ARRDC4: variants seen among roughly 807,000 people sequenced by gnomAD.
The protein encoded by ARRDC4 is arrestin domain containing 4.
Under a neutral mutation model 44.6 loss-of-function variants are expected in ARRDC4, and 40 were observed. The observed-to-expected ratio is 0.90, with a 90% CI of 0.70 to 1.17. The LOEUF (loss-of-function observed/expected upper bound fraction) is 1.17, where lower values mean the gene tolerates loss of function less well. Among genes scored for constraint, ARRDC4 ranks in the 50% most tolerant of loss-of-function variants. The pLI is 0.00. For synonymous variants in ARRDC4, 211 were observed against 221.2 expected (o/e 0.95, Z 0.41); for missense variants, 550 against 559.1 (o/e 0.98, Z 0.16).
At position 97,965,655 on chromosome 15, in the gene ARRDC4, A is replaced by G. The variant is rs1596305061; in HGVS notation, c.363A>G (p.Gln121=). The G allele has an allele frequency of 3.1e-6, 5 of 1,613,412 alleles. No individual in the cohort carries two copies. In the African/African-American group the frequency reaches 4.0e-5, roughly 13 times the overall value. The part of the protein sequence containing the change: ...PGKHEFPFRF[Q]LPSEPLVTSF... ...AACATGAATTTCCATTTCGCTTTCA[A>G]CTTCCATCTGAGTAAGTGAAACACT... Residue 121 remains glutamine, a synonymous_variant, in exon 2 of 8, where the codon CAA becomes CAG. Transcript: ENST00000268042. This position sits in a 1 kb window ranked among gnomAD's most constrained non-coding sequence, Gnocchi z 5.1.
rs1374652703 is a variant in ARRDC4, at chr15:97,969,863, T to C, written c.883-20T>C. On this transcript the variant is annotated intron_variant, in intron 5 of 7. Coordinates refer to ENST00000268042, the MANE Select transcript of ARRDC4 (RefSeq NM_183376.3). ...TTACATTTGTTCCTTTCTCTTTTTT[T>C]TTTTTTTTTGGCTTATTAGGTATAC... 7.9e-6 allele frequency: 12 copies of C among 1,526,844 alleles called. No homozygotes were observed. Among genetic ancestry groups the C allele is most frequent in the African/African-American group, 1.4e-5 (1 of 71,558 alleles). The allele number at this position is 1,526,844 out of a possible 1,614,324, so 94.6% of individuals were successfully genotyped here.
At position 97,971,926 on chromosome 15, in the gene ARRDC4, C is replaced by G. The variant is rs181770163; in HGVS notation, c.*739C>G. ...TTGTTGAGGGCTGTACTTTTTACCC[C>G]CTTTAAGTGCTTTAACAGGATATAC... is the stretch of plus-strand genomic sequence containing the variant. On this transcript the variant is annotated 3_prime_UTR_variant, in exon 8 of 8. Coordinates refer to ENST00000268042, the MANE Select transcript of ARRDC4 (RefSeq NM_183376.3). 7 of 152,374 alleles carry G rather than the reference C, an allele frequency of 4.6e-5. No individual in the cohort carries two copies. Among genetic ancestry groups the G allele is most frequent in the Non-Finnish European group, 8.8e-5 (6 of 68,018 alleles). 9.4% of individuals were successfully genotyped at this position (152,374 alleles called of 1,614,324 possible).
chr15:97,961,198 C>T (rs1899310270), intron 1 of ARRDC4, 30 bp downstream of exon 1: 3 of 1,374,938 alleles, frequency 2.2e-6, no homozygotes, highest in African/African-American at 1.5e-5. Flanking sequence ...TGGGGTTCCC[C>T]CGCCAGGCTG....
At chr15:97,963,223 T>A (rs924179275) in intron 1 of ARRDC4, among the ~76,000 whole-genome samples, 1 of 152,180 alleles carries the variant, frequency 6.6e-6, no homozygotes, top group African/African-American at 2.4e-5. Flanking sequence ...TCCTGTGACT[T>A]TGTAGTGCTC....
Position 97,970,403 on chromosome 15 carries a change from TTAG to T in ARRDC4, c.1046-178_1046-176del, listed in dbSNP as rs777555649. On this transcript the variant is annotated intron_variant, in intron 6 of 7. Transcript: ENST00000268042. The surrounding 1 kb of genome is among the most constrained non-coding windows in gnomAD (Gnocchi z 4.2). ...TCTCAAGAGACTAGAATAGAAGCTA[TTAG>T]TAGTAGTTTAATAAAAGGAGAATCT... Among the ~76,000 whole-genome samples the T allele has an allele frequency of 4.6e-5, 7 of 152,292 alleles. No individual in the cohort carries two copies. Among genetic ancestry groups the T allele is most frequent in the Non-Finnish European group, 8.8e-5 (6 of 68,014 alleles).
At position 97,970,940 on chromosome 15, in the gene ARRDC4, T is replaced by C. The variant is rs1270493279; in HGVS notation, c.1201-191T>C. On this transcript the variant is annotated intron_variant, in intron 7 of 7. Transcript: ENST00000268042. This position sits in a 1 kb window ranked among gnomAD's most constrained non-coding sequence, Gnocchi z 4.2. ...ACTATTGTCCTTGTGATCTATGGCA[T>C]CAGATACAGTATTGTGGATTGCCTT... 6.6e-6 allele frequency among the ~76,000 whole-genome samples: 1 copy of C among 152,132 alleles called. No homozygotes were observed. Among genetic ancestry groups the C allele is most frequent in the African/African-American group, 2.4e-5 (1 of 41,438 alleles).
At position 97,969,343 on chromosome 15, in the gene ARRDC4, G is replaced by A. The variant is rs752924780; in HGVS notation, c.846G>A (p.Leu282=). ...LKIPPVTPSI[L]DCCIIRVDYS... ...TCCCACCTGTTACTCCATCCATCCTGGATTGCTGCATTATCAGAGTGGACT... is the reference window on the plus strand; with the variant it reads ...TCCCACCTGTTACTCCATCCATCCTAGATTGCTGCATTATCAGAGTGGACT... Residue 282 remains leucine, a synonymous_variant, in exon 5 of 8, where the codon CTG becomes CTA. Coordinates refer to ENST00000268042, the MANE Select transcript of ARRDC4 (RefSeq NM_183376.3). The A allele has an allele frequency of 2.5e-6, 4 of 1,613,792 alleles. No homozygotes were observed. The South Asian group carries it at 4.4e-5, about 18-fold the overall frequency.
rs1302771176 is a variant in ARRDC4 at position 97,970,474 on chromosome 15, AAAG to A, written c.1046-112_1046-110del. Reference sequence around the variant, plus strand: ...GCATAAAACCTTGCTGATTAGAGGGAAAGAATGCCATATTTTTTATCTTCAAGT... The same window carrying A: ...GCATAAAACCTTGCTGATTAGAGGGAAATGCCATATTTTTTATCTTCAAGT... On this transcript the variant is annotated intron_variant, in intron 6 of 7. Transcript: ENST00000268042. This position sits in a 1 kb window ranked among gnomAD's most constrained non-coding sequence, Gnocchi z 4.2. 1.3e-5 allele frequency: 14 copies of A among 1,119,572 alleles called. No individual in the cohort carries two copies. In the African/African-American group the frequency reaches 2.2e-4, roughly 18 times the overall value. The allele number at this position is 1,119,572 out of a possible 1,614,324, so 69.4% of individuals were successfully genotyped here. A position where few individuals can be genotyped will look rare whatever the true frequency, so the allele number is the denominator to read the frequency against.
rs1014347747 is a variant in ARRDC4 at position 97,965,059 on chromosome 15, C to T, written c.308-541C>T. Among the ~76,000 whole-genome samples the T allele has an allele frequency of 5.9e-5, 9 of 151,506 alleles. No individual in the cohort carries two copies. The highest frequency in any genetic ancestry group is 2.6e-4 in the Admixed American group (4 of 15,218). ...ACACATATATATGTATGTTGGAGTT[C>T]TGAACCTTAGCACTTTAGTAATTGG... On this transcript the variant is annotated intron_variant, in intron 1 of 7. Coordinates refer to ENST00000268042, the MANE Select transcript of ARRDC4 (RefSeq NM_183376.3). The surrounding 1 kb of genome is among the most constrained non-coding windows in gnomAD (Gnocchi z 5.1).
rs200384116 is a variant in ARRDC4, at chr15:97,965,963, G to A, written c.443G>A (p.Arg148Gln). Reference protein sequence around the residue: ...IQYCVRAVLERPKVPDQSVKR... With the variant: ...IQYCVRAVLEQPKVPDQSVKR... The stretch of plus-strand genomic sequence containing the variant: ...TACTGTGTGCGGGCAGTGTTGGAAC[G>A]ACCCAAGGTACCTGATCAGAGTGTA... The change falls in exon 3 of 8, where the codon CGA becomes CAA. Residue 148 changes from arginine to glutamine, a missense_variant. Transcript: ENST00000268042. The surrounding 1 kb of genome is among the most constrained non-coding windows in gnomAD (Gnocchi z 5.1). The A allele has an allele frequency of 5.6e-5, 90 of 1,614,128 alleles. No individual in the cohort carries two copies. The highest frequency in any genetic ancestry group is 3.8e-4 in the Admixed American group (23 of 60,020).
chr15:97,964,570 T>TA (rs1899382483), intron 1 of ARRDC4, among the ~76,000 whole-genome samples: 1 of 152,186 alleles, frequency 6.6e-6, no homozygotes. Context: ...CCTCTGGCCT[T>TA]ACAAAGTCCC....
Position 97,960,743 on chromosome 15 carries a change from A to G in ARRDC4, c.-119A>G. 2.2e-6 allele frequency: 2 copies of G among 928,724 alleles called. No individual in the cohort carries two copies. Among genetic ancestry groups the G allele is most frequent in the Non-Finnish European group, 2.8e-6 (2 of 709,354 alleles). The allele number at this position is 928,724 out of a possible 1,614,324, so 57.5% of individuals were successfully genotyped here. On this transcript the variant is annotated 5_prime_UTR_variant, in exon 1 of 8. Transcript: ENST00000268042. Reference sequence around the variant, plus strand: ...GAGCCGGTGCCCCATCGGGTACCGCACGGCTGCCGCGGCGGCCTTACCCTG... The same window carrying G: ...GAGCCGGTGCCCCATCGGGTACCGCGCGGCTGCCGCGGCGGCCTTACCCTG...
In ARRDC4 at chr15:97,970,736, A is replaced by G; in HGVS notation, c.1193A>G (p.Tyr398Cys). The part of the protein sequence containing the change: ...QEFRFQPPPL[Y>C]SEVDPHPSDV... ...TTCCGGTTTCAACCCCCACCTCTTT[A>G]TTCAGAGGTAAGCAAAGCAAAAGAA... The change falls in exon 7 of 8, where the codon TAT becomes TGT. Residue 398 changes from tyrosine (Y) to cysteine (C), a missense_variant. Transcript: ENST00000268042. This position sits in a 1 kb window ranked among gnomAD's most constrained non-coding sequence, Gnocchi z 4.2. The G allele has an allele frequency of 2.5e-6, 4 of 1,609,010 alleles. No homozygotes were observed. Among genetic ancestry groups the G allele is most frequent in the Non-Finnish European group, 3.4e-6 (4 of 1,178,476 alleles).
chr15:97,969,461 C>G lies in ARRDC4; in HGVS notation c.882+82C>G. The G allele has an allele frequency of 1.0e-5, 15 of 1,483,398 alleles. No individual in the cohort carries two copies. In the South Asian group the frequency reaches 1.8e-4, roughly 18 times the overall value. 91.9% of individuals were successfully genotyped at this position (1,483,398 alleles called of 1,614,324 possible). On this transcript the variant is annotated intron_variant, in intron 5 of 7. Transcript: ENST00000268042. ...TGTTACTGTGGGTATGTAGAGTTGC[C>G]TATAAAAATGTCATTTTATTTCAGC...
chr15:97,967,910 G>C lies in ARRDC4; in HGVS notation c.523-104G>C. 1.5e-6 allele frequency: 1 copy of C among 645,382 alleles called. No individual in the cohort carries two copies. The highest frequency in any genetic ancestry group is 2.5e-6 in the Non-Finnish European group (1 of 402,386). The allele number at this position is 645,382 out of a possible 1,614,324, so 40.0% of individuals were successfully genotyped here. A position where few individuals can be genotyped will look rare whatever the true frequency, so the allele number is the denominator to read the frequency against. On this transcript the variant is annotated intron_variant, in intron 3 of 7. Transcript: ENST00000268042. This position sits in a 1 kb window ranked among gnomAD's most constrained non-coding sequence, Gnocchi z 5.0. ...ATAAGAAAGTTTGATTCATTTTTTTGGTATTTCCTTACAACCATTCTGTGA... is the reference window on the plus strand; with the variant it reads ...ATAAGAAAGTTTGATTCATTTTTTTCGTATTTCCTTACAACCATTCTGTGA...
Position 97,966,121 on chromosome 15 carries a change from A to G in ARRDC4, c.522+79A>G. The stretch of plus-strand genomic sequence containing the variant: ...CCTTCCTTTCAACAGTGGGATCTAT[A>G]TTTAGCCAGTTTACTGGTAGTCTGT... On this transcript the variant is annotated intron_variant, in intron 3 of 7. Transcript: ENST00000268042. This position sits in a 1 kb window ranked among gnomAD's most constrained non-coding sequence, Gnocchi z 4.7. The G allele has an allele frequency of 1.3e-6, 2 of 1,499,664 alleles. No homozygotes were observed. The highest frequency in any genetic ancestry group is 2.5e-5 in the South Asian group (2 of 80,500). 92.9% of individuals were successfully genotyped at this position (1,499,664 alleles called of 1,614,324 possible).
At position 97,960,870 on chromosome 15, in the gene ARRDC4, G is replaced by A. The variant is rs4965046; in HGVS notation, c.9G>A (p.Gly3=). The stretch of plus-strand genomic sequence containing the variant: ...AAGAGTCGCCCGGCGGGATGGGCGG[G>A]GAGGCTGGGTGCGCGGCGGCCGTGG... MG[G]EAGCAAAVGA... is the part of the protein sequence containing the mutation. Residue 3 remains glycine (G), a synonymous_variant, in exon 1 of 8, where the codon GGG becomes GGA. Coordinates refer to ENST00000268042, the MANE Select transcript of ARRDC4 (RefSeq NM_183376.3). 4.4e-6 allele frequency: 6 copies of A among 1,369,404 alleles called. No individual in the cohort carries two copies. Among genetic ancestry groups the A allele is most frequent in the Non-Finnish European group, 5.7e-6 (6 of 1,053,584 alleles). The allele number at this position is 1,369,404 out of a possible 1,614,324, so 84.8% of individuals were successfully genotyped here.
intron 5 of ARRDC4, 67 bp downstream of exon 5, chr15:97,969,446 G>C (rs75861391): frequency 0.037 from 56,962 of 1,548,976 alleles, 2,402 homozygotes; most frequent in African/African-American, 0.21. Flanking sequence ...TGTTACTGTG[G>C]GTATGTAGAG....
rs1002680994 is a variant in ARRDC4 at position 97,960,733 on chromosome 15, C to T, written c.-129C>T. 2.5e-6 allele frequency: 2 copies of T among 814,402 alleles called. No homozygotes were observed. The highest frequency in any genetic ancestry group is 3.3e-6 in the Non-Finnish European group (2 of 605,268). The allele number at this position is 814,402 out of a possible 1,614,324, so 50.4% of individuals were successfully genotyped here. On this transcript the variant is annotated 5_prime_UTR_variant, in exon 1 of 8. Coordinates refer to ENST00000268042, the MANE Select transcript of ARRDC4 (RefSeq NM_183376.3). ...GCCTCTCGGCGAGCCGGTGCCCCATCGGGTACCGCACGGCTGCCGCGGCGG... is the reference window on the plus strand; with the variant it reads ...GCCTCTCGGCGAGCCGGTGCCCCATTGGGTACCGCACGGCTGCCGCGGCGG...
Sources: gnomAD v4.1 joint callset for allele counts (sites outside exome capture counted in the v4.1 genomes callset) on GRCh38, gnomAD v4.1.1 for gene constraint, Gnocchi (gnomAD v3.1) non-coding constraint, MANE v1.5 for transcripts, NCBI Gene and HGNC (gene_info 2026-07-23, HGNC 2026-07-21) for gene names.